Variants in NKD1 observed in about 807,000 individuals in gnomAD.
NKD1 encodes the protein NKD inhibitor of Wnt signaling pathway 1, also known as protein naked cuticle homolog 1.
In NKD1, 21 loss-of-function variants were observed where a neutral mutation model predicts 56.0. The ratio of observed to expected loss-of-function variants is 0.38; its 90% CI spans 0.27 to 0.54. The LOEUF (loss-of-function observed/expected upper bound fraction) is 0.54. NKD1 is among the 20% of genes least tolerant of loss of function. NKD1 has a pLI of 0.82. For missense variants in NKD1, 578 were observed against 642.7 expected (o/e 0.90, Z 1.09); for synonymous variants, 263 against 265.7 (o/e 0.99, Z 0.10).
At chr16:50,628,064 G>A (rs563616181) in intron 6 of NKD1, among the ~76,000 whole-genome samples, 1 of 152,312 alleles carries the variant, frequency 6.6e-6, no homozygotes, top group South Asian at 2.1e-4. Context: ...CCCTCCCCGA[G>A]ATGAGCAAGG....
intron 5 of NKD1, among the ~76,000 whole-genome samples, chr16:50,624,026 TG>T (rs2151279416): frequency 6.6e-6 from 1 of 152,104 alleles, no homozygotes; most frequent in East Asian, 1.9e-4. Flanking sequence ...GGCTTAGAGC[TG>T]CAGCAGCCAG....
rs887122720 is a variant in NKD1, at chr16:50,623,986, G to T, written c.367-1499G>T. 6.6e-6 allele frequency among the ~76,000 whole-genome samples: 1 copy of T among 152,124 alleles called. No homozygotes were observed. The highest frequency in any genetic ancestry group is 1.5e-5 in the Non-Finnish European group (1 of 68,018). ...AAGCAAGGTTGGCTTTGAACTCAGC[G>T]TGGGCGCCCGAGAATTGCTGGAGGG... On this transcript the variant is annotated intron_variant, in intron 5 of 9. Coordinates refer to ENST00000268459, the MANE Select transcript of NKD1 (RefSeq NM_033119.5). The surrounding 1 kb of genome is among the most constrained non-coding windows in gnomAD (Gnocchi z 4.1).
intron 6 of NKD1, among the ~76,000 whole-genome samples, chr16:50,626,017 C>A (rs1962205534): frequency 6.6e-6 from 1 of 152,236 alleles, no homozygotes; most frequent in Admixed American, 6.5e-5. Flanking sequence ...GGTGGGGGCA[C>A]AAAGAGGCCA....
At chr16:50,608,733 A>G (rs886712460) in intron 4 of NKD1, among the ~76,000 whole-genome samples, 7 of 152,202 alleles carry the variant, frequency 4.6e-5, no homozygotes, top group Non-Finnish European at 1.5e-5. Flanking sequence ...TAAGCATTAC[A>G]CACAGTGCCT....
At chr16:50,631,827 C>T (rs747413287) in intron 8 of NKD1, among the ~76,000 whole-genome samples, 5 of 152,204 alleles carry the variant, frequency 3.3e-5, no homozygotes, top group East Asian at 1.9e-4. Context: ...CATCCTGGGC[C>T]GTAGGGCAGG....
chr16:50,622,840 T>C (rs184231652), intron 5 of NKD1, among the ~76,000 whole-genome samples: 6 of 152,208 alleles, frequency 3.9e-5, no homozygotes, highest in Non-Finnish European at 8.8e-5. Flanking sequence ...CAGGGGACAG[T>C]TGAGCGCCCC....
chr16:50,624,679 T>C (rs1962170051), intron 5 of NKD1, among the ~76,000 whole-genome samples: 1 of 152,196 alleles, frequency 6.6e-6, no homozygotes, highest in Admixed American at 6.5e-5. Context: ...ATCTGTGGGC[T>C]CTGCCTGCTG....
intron 3 of NKD1, among the ~76,000 whole-genome samples, chr16:50,599,766 C>T (rs961517288): frequency 4.6e-5 from 7 of 152,172 alleles, no homozygotes; most frequent in Admixed American, 6.5e-5. Flanking sequence ...CTCCCCACCC[C>T]GTGCCCTGCC....
In NKD1 at chr16:50,598,581, G is replaced by T. The variant is rs1961527616; in HGVS notation, c.193-9713G>T. The stretch of plus-strand genomic sequence containing the variant: ...GCCACCCTGTCGGCAGGTCACACGT[G>T]CTAGACCCTGGCAGCAGACCGGGGG... On this transcript the variant is annotated intron_variant, in intron 3 of 9. Transcript: ENST00000268459. This position sits in a 1 kb window ranked among gnomAD's most constrained non-coding sequence, Gnocchi z 4.2. 6.6e-6 allele frequency among the ~76,000 whole-genome samples: 1 copy of T among 152,164 alleles called. No individual in the cohort carries two copies. Among genetic ancestry groups the T allele is most frequent in the South Asian group, 2.1e-4 (1 of 4,832 alleles).
intron 4 of NKD1, 67 bp from the exon 5 acceptor site, chr16:50,621,535 G>T: frequency 9.0e-7 from 1 of 1,110,492 alleles, no homozygotes; most frequent in Non-Finnish European, 1.3e-6. Context: ...GGACAAAGGT[G>T]CAGTGAGCAT....
chr16:50,595,959 T>G (rs1453912912), intron 3 of NKD1, among the ~76,000 whole-genome samples: 1 of 152,220 alleles, frequency 6.6e-6, no homozygotes, highest in Non-Finnish European at 1.5e-5. Context: ...ATTTGGTGTG[T>G]GCTGGTTGGG....
At chr16:50,549,352 C>T (rs1284705587) in intron 2 of NKD1, 70 bp from the exon 3 acceptor site, 5 of 1,566,304 alleles carry the variant, frequency 3.2e-6, no homozygotes, top group Non-Finnish European at 4.3e-6. Flanking sequence ...GCGCCTCCTT[C>T]TTCCCTCCGC....
At chr16:50,612,044 A>G (rs1034717055) in intron 4 of NKD1, among the ~76,000 whole-genome samples, 4 of 152,088 alleles carry the variant, frequency 2.6e-5, no homozygotes, top group Non-Finnish European at 5.9e-5. Flanking sequence ...AGAATCTCCA[A>G]AGGCCTCCCC....
rs1156440540 is a variant in NKD1, at chr16:50,640,734, A to G, written c.*6953A>G. On this transcript the variant is annotated 3_prime_UTR_variant, in exon 10 of 10. Transcript: ENST00000268459. ...TCACATTTCAAATAAAAGTCTGGGAAAGCAACACATCATCGCCAACTTTTA... is the reference window on the plus strand; with the variant it reads ...TCACATTTCAAATAAAAGTCTGGGAGAGCAACACATCATCGCCAACTTTTA... 6.6e-6 allele frequency: 1 copy of G among 152,232 alleles called. No homozygotes were observed. Among genetic ancestry groups the G allele is most frequent in the African/African-American group, 2.4e-5 (1 of 41,460 alleles). The allele number at this position is 152,232 out of a possible 1,614,324, so 9.4% of individuals were successfully genotyped here.
At chr16:50,614,865 G>A (rs1961925633) in intron 4 of NKD1, among the ~76,000 whole-genome samples, 1 of 152,302 alleles carries the variant, frequency 6.6e-6, no homozygotes, top group Non-Finnish European at 1.5e-5. Context: ...TAAACACCTT[G>A]CAAAGACCCA....
chr16:50,564,250 G>A (rs1346507950), intron 3 of NKD1, among the ~76,000 whole-genome samples: 2 of 152,356 alleles, frequency 1.3e-5, no homozygotes, highest in Non-Finnish European at 1.5e-5. Context: ...TTCTTGTGAT[G>A]TCACAAATCG....
Position 50,580,541 on chromosome 16 carries a change from G to A in NKD1, c.193-27753G>A, listed in dbSNP as rs561148559. Among the ~76,000 whole-genome samples, 13 of 152,318 alleles carry A rather than the reference G, an allele frequency of 8.5e-5. No homozygotes were observed. The East Asian group carries it at 1.7e-3, about 20-fold the overall frequency. On this transcript the variant is annotated intron_variant, in intron 3 of 9. Transcript: ENST00000268459. ...CCCTGGCCAGAGAAGCTTGGGAAAC[G>A]GGTGGCAGCACCAGTCGAATGAGCG...
In NKD1 at chr16:50,549,491, G is replaced by T. The variant is rs756209640; in HGVS notation, c.128G>T (p.Cys43Phe). 1.9e-6 allele frequency: 3 copies of T among 1,609,676 alleles called. No individual in the cohort carries two copies. The Admixed American group carries it at 5.0e-5, about 27-fold the overall frequency. ...GIEEWIGRQR[C>F]PGGVSGPRQL... ...GAGGAGTGGATCGGGAGACAGCGCT[G>T]CCCGGGCGGTGTCTCGGGACCCCGA... Residue 43 changes from cysteine (C) to phenylalanine (F), a missense_variant, in exon 3 of 10, where the codon TGC becomes TTC. Cys to Phe is a radical substitution (Grantham distance 205). Transcript: ENST00000268459.
chr16:50,568,997 T>C (rs1386212994), intron 3 of NKD1, among the ~76,000 whole-genome samples: 1 of 152,164 alleles, frequency 6.6e-6, no homozygotes, highest in Non-Finnish European at 1.5e-5. Context: ...TTTGTCTCCT[T>C]CTCTTCCCCA....
Sources: gnomAD v4.1 joint callset for allele counts (sites outside exome capture counted in the v4.1 genomes callset) on GRCh38, gnomAD v4.1.1 for gene constraint, Gnocchi (gnomAD v3.1) non-coding constraint, MANE v1.5 for transcripts, NCBI Gene and HGNC (gene_info 2026-07-23, HGNC 2026-07-21) for gene names.